The following VPS13A variants were observed in gnomAD, a reference collection of about 807,000 sequenced individuals.
VPS13A encodes the protein vacuolar protein sorting 13 homolog A, also known as intermembrane lipid transfer protein VPS13A.
A neutral mutation model predicts 390.9 loss-of-function variants in VPS13A; 264 were observed. That is an observed-to-expected ratio of 0.68 (90% CI 0.61 to 0.75). The LOEUF (loss-of-function observed/expected upper bound fraction) is 0.75, where lower values mean the gene tolerates loss of function less well. Among genes scored for constraint, VPS13A ranks in the 30% least tolerant of loss-of-function variants. VPS13A has a pLI of 0.00. For missense variants in VPS13A, 3,409 were observed against 3,733.9 expected, an observed-to-expected ratio of 0.91 and a Z score of 2.27; for synonymous variants, 1,231 against 1,227.1, an observed-to-expected ratio of 1.00 and a Z score of -0.07.
intron 10 of VPS13A, 87 bp downstream of exon 10, chr9:77,214,473 C>T: frequency 1.8e-6 from 2 of 1,084,138 alleles, no homozygotes; most frequent in Non-Finnish European, 2.8e-6. Flanking sequence ...TGTGCTAGTT[C>T]CTGTTAAATT....
chr9:77,372,515 C>T (rs1177901083), intron 67 of VPS13A, among the ~76,000 whole-genome samples: 1 of 152,078 alleles, frequency 6.6e-6, no homozygotes, highest in Admixed American at 6.5e-5. Context: ...ATGACAAACC[C>T]ACAGCCAATA....
chr9:77,351,721 T>TA (rs1831478092), intron 53 of VPS13A, among the ~76,000 whole-genome samples: 1 of 152,052 alleles, frequency 6.6e-6, no homozygotes, highest in African/African-American at 2.4e-5. Context: ...ATACAAAAAT[T>TA]AGCCTCGCAT....
At chr9:77,309,242 G>C (rs1828931410) in intron 35 of VPS13A, among the ~76,000 whole-genome samples, 1 of 152,186 alleles carries the variant, frequency 6.6e-6, no homozygotes, top group South Asian at 2.1e-4. Flanking sequence ...TAGAAGTATT[G>C]AGTTGGAATA....
At chr9:77,247,519 A>G (rs1824887581) in intron 20 of VPS13A, 124 bp downstream of exon 20, 2 of 1,054,286 alleles carry the variant, frequency 1.9e-6, no homozygotes, top group Non-Finnish European at 2.7e-6. Flanking sequence ...TAGATAAGTA[A>G]GATTTGAGAA....
At chr9:77,400,309 G>A (rs1834322044) in intron 68 of VPS13A, among the ~76,000 whole-genome samples, 1 of 137,162 alleles carries the variant, frequency 7.3e-6, no homozygotes, top group South Asian at 2.2e-4. Flanking sequence ...TTTTCTGTCG[G>A]TTTCTTCAAA....
chr9:77,343,414 A>G (rs1830949704), intron 50 of VPS13A, among the ~76,000 whole-genome samples: 1 of 152,214 alleles, frequency 6.6e-6, no homozygotes, highest in Non-Finnish European at 1.5e-5. Flanking sequence ...ATGATCAGGT[A>G]TCACACATGA....
chr9:77,381,980 A>G lies in VPS13A; in HGVS notation c.9082A>G (p.Thr3028Ala). 4 of 1,601,384 alleles carry G rather than the reference A, an allele frequency of 2.5e-6. No individual in the cohort carries two copies. Among genetic ancestry groups the G allele is most frequent in the Non-Finnish European group, 3.4e-6 (4 of 1,172,492 alleles). ...GTTATATTTTTTTTCCTCTAGAGCT[A>G]CAGAGACTTCTGAAGTGGAGAGTCT... The part of the protein sequence containing the change: ...SSTFQGIKRA[T>A]ETSEVESLRP... Residue 3028 changes from threonine to alanine, a missense_variant, in exon 68 of 72, where the codon ACA (threonine) becomes GCA (alanine). Physicochemically the swap from Thr to Ala is moderately conservative, Grantham distance 58. Transcript: ENST00000360280.
intron 54 of VPS13A, among the ~76,000 whole-genome samples, chr9:77,355,619 C>T (rs1831731295): frequency 1.3e-5 from 2 of 152,190 alleles, no homozygotes; most frequent in Admixed American, 6.5e-5. Context: ...ATCTAAGAGA[C>T]TTCTTAAACT....
chr9:77,340,164 TA>T lies in VPS13A; in HGVS notation c.6775-13del, dbSNP rs769481774. On this transcript the variant is annotated splice_polypyrimidine_tract_variant and intron_variant, in intron 48 of 71. Transcript: ENST00000360280. ...TACCTAAATTGTGATGTATTTGGAATATTTTTTTCCTAGGTTCAACTTATGG... is the reference window on the plus strand; with the variant it reads ...TACCTAAATTGTGATGTATTTGGAATTTTTTTTCCTAGGTTCAACTTATGG... 8.7e-6 allele frequency: 14 copies of T among 1,608,198 alleles called. No homozygotes were observed. Among genetic ancestry groups the T allele is most frequent in the Non-Finnish European group, 1.1e-5 (13 of 1,175,458 alleles).
intron 45 of VPS13A, among the ~76,000 whole-genome samples, chr9:77,328,251 A>G (rs1392625554): frequency 6.6e-6 from 1 of 152,132 alleles, no homozygotes; most frequent in Non-Finnish European, 1.5e-5. Context: ...TTCCCTGAGA[A>G]TAGGTCTCAG....
intron 42 of VPS13A, 139 bp downstream of exon 42, chr9:77,319,812 C>A: frequency 4.0e-6 from 2 of 505,166 alleles, no homozygotes; most frequent in South Asian, 3.3e-5. Flanking sequence ...TACTTCTGCA[C>A]ATGTATAGCC....
At chr9:77,296,572 C>G (rs758967381) in intron 33 of VPS13A, among the ~76,000 whole-genome samples, 4 of 152,068 alleles carry the variant, frequency 2.6e-5, no homozygotes, top group Admixed American at 6.6e-5. Flanking sequence ...CTTTAGCTTC[C>G]TATGAGTCTG....
intron 17 of VPS13A, among the ~76,000 whole-genome samples, chr9:77,236,494 G>A (rs983374637): frequency 6.6e-6 from 1 of 152,152 alleles, no homozygotes; most frequent in Admixed American, 6.5e-5. Context: ...ATTGTTGAAG[G>A]ATGTAGTTTT....
chr9:77,206,541 T>C (rs1825651778), intron 5 of VPS13A, among the ~76,000 whole-genome samples: 1 of 152,158 alleles, frequency 6.6e-6, no homozygotes, highest in Non-Finnish European at 1.5e-5. Flanking sequence ...TGGCTTCACA[T>C]ATTTTCCAAT....
chr9:77,255,553 G>C (rs1365030817), intron 22 of VPS13A, among the ~76,000 whole-genome samples: 1 of 152,080 alleles, frequency 6.6e-6, no homozygotes, highest in Non-Finnish European at 1.5e-5. Flanking sequence ...TCAGGGTAAT[G>C]CTGTCTTTAT....
intron 12 of VPS13A, among the ~76,000 whole-genome samples, chr9:77,220,823 A>G (rs1180558181): frequency 6.6e-6 from 1 of 152,072 alleles, no homozygotes; most frequent in Non-Finnish European, 1.5e-5. Context: ...AAGTCTTGTT[A>G]TTCCAGTTTT....
intron 35 of VPS13A, among the ~76,000 whole-genome samples, chr9:77,311,281 C>A (rs921059815): frequency 8.5e-5 from 13 of 152,142 alleles, no homozygotes; most frequent in African/African-American, 3.1e-4. Flanking sequence ...TCTGCTCTTC[C>A]CCCTTCTTCC....
At chr9:77,344,419 T>C in intron 51 of VPS13A, 138 bp downstream of exon 51, 2 of 1,034,796 alleles carry the variant, frequency 1.9e-6, no homozygotes, top group South Asian at 3.0e-5. Flanking sequence ...ACATTTCTTT[T>C]TGTAGAAGGA....
At chr9:77,362,220 A>C (rs547257084) in intron 59 of VPS13A, among the ~76,000 whole-genome samples, 1 of 152,256 alleles carries the variant, frequency 6.6e-6, no homozygotes, top group Non-Finnish European at 1.5e-5. Context: ...ATTTCTAAGA[A>C]TCCTTAGCCA....
Sources: gnomAD v4.1 joint callset for allele counts (sites outside exome capture counted in the v4.1 genomes callset) on GRCh38, gnomAD v4.1.1 for gene constraint, MANE v1.5 for transcripts, NCBI Gene and HGNC (gene_info 2026-07-23, HGNC 2026-07-21) for gene names.